CSMD1: variants seen among roughly 807,000 people sequenced by gnomAD.
CSMD1 encodes the protein CUB and sushi domain-containing protein 1.
A neutral mutation model predicts 417.5 loss-of-function variants in CSMD1; 213 were observed. That is an observed-to-expected ratio of 0.51 (90% CI 0.46 to 0.57). The LOEUF (loss-of-function observed/expected upper bound fraction) is 0.57, where lower values mean the gene tolerates loss of function less well. Among genes scored for constraint, CSMD1 ranks in the 20% least tolerant of loss-of-function variants. CSMD1 has a pLI of 0.00. For synonymous variants in CSMD1, 2,862 were observed against 1,736.8 expected (o/e 1.65, Z -16.11); for missense variants, 6,923 against 4,529.7 (o/e 1.53, Z -15.17).
intron 12 of CSMD1, 24 bp from the exon 13 acceptor site, chr8:3,409,629 C>G (rs769030535): frequency 6.5e-7 from 1 of 1,527,178 alleles, no homozygotes; most frequent in South Asian, 1.2e-5. Context: ...AACAAATGAA[C>G]CCTTAAAAAA....
At chr8:3,792,368 A>G (rs1003464682) in intron 5 of CSMD1, among the ~76,000 whole-genome samples, 1 of 152,190 alleles carries the variant, frequency 6.6e-6, no homozygotes, top group Non-Finnish European at 1.5e-5. Context: ...CATTATGATC[A>G]TTAATGTAGC....
chr8:3,558,568 C>A (rs1222672543), intron 10 of CSMD1, among the ~76,000 whole-genome samples: 1 of 148,694 alleles, frequency 6.7e-6, no homozygotes, highest in African/African-American at 2.5e-5. Context: ...CGTGTCCACT[C>A]CTGCAATGAT....
chr8:4,499,392 TC>T (rs1231011395), intron 2 of CSMD1, among the ~76,000 whole-genome samples: 6 of 151,942 alleles, frequency 3.9e-5, no homozygotes, highest in African/African-American at 1.4e-4. Context: ...CAGAGAGGGG[TC>T]AGGTTCTTAT....
intron 17 of CSMD1, among the ~76,000 whole-genome samples, chr8:3,391,722 C>T (rs181183906): frequency 7.0e-4 from 107 of 152,264 alleles, no homozygotes; most frequent in African/African-American, 2.4e-3. Context: ...CTCACATTGC[C>T]TTGTAGCACC....
chr8:3,069,495 A>G (rs1483335727), intron 49 of CSMD1, among the ~76,000 whole-genome samples: 1 of 152,036 alleles, frequency 6.6e-6, no homozygotes, highest in African/African-American at 2.4e-5. Flanking sequence ...TTTGACACCC[A>G]GCAGGGCAGT....
intron 3 of CSMD1, among the ~76,000 whole-genome samples, chr8:4,232,003 T>TCGACATAGGAC (rs1322278855): frequency 6.6e-6 from 1 of 152,184 alleles, no homozygotes; most frequent in Non-Finnish European, 1.5e-5. Context: ...AGCAAAGCCA[T>TCGACATAGGAC]CGACATAGGA....
At chr8:4,864,288 C>T (rs75517409) in intron 1 of CSMD1, among the ~76,000 whole-genome samples, 2 of 151,804 alleles carry the variant, frequency 1.3e-5, no homozygotes, top group East Asian at 3.8e-4. Flanking sequence ...AAGACACACA[C>T]ACACAAATTT....
intron 4 of CSMD1, among the ~76,000 whole-genome samples, chr8:4,004,924 T>G (rs530075420): frequency 6.6e-6 from 1 of 152,082 alleles, no homozygotes; most frequent in South Asian, 2.1e-4. Context: ...TTTTGTATTT[T>G]TAGTAGAGAC....
At chr8:4,006,408 G>C (rs1261359645) in intron 4 of CSMD1, among the ~76,000 whole-genome samples, 3 of 152,198 alleles carry the variant, frequency 2.0e-5, no homozygotes, top group Middle Eastern at 3.2e-3. Context: ...GCTGGGTGTG[G>C]TGGTCCATGC....
Position 4,728,576 on chromosome 8 carries a change from T to C in CSMD1, c.86-91018A>G, listed in dbSNP as rs372316493. Among the ~76,000 whole-genome samples, 39 of 152,316 alleles carry C rather than the reference T, an allele frequency of 2.6e-4. No homozygotes were observed. The South Asian group carries it at 4.8e-3, about 19-fold the overall frequency. ...AGCTCTTCATGTCTTTATTCAGCTC[T>C]GTTACTGATACCATTTAACACATGT... On this transcript the variant is annotated intron_variant, in intron 1 of 69. Transcript: ENST00000635120.
chr8:4,485,022 A>G (rs985682415), intron 2 of CSMD1, among the ~76,000 whole-genome samples: 3 of 126,924 alleles, frequency 2.4e-5, no homozygotes, highest in African/African-American at 3.0e-5. Flanking sequence ...AAAAAAAAAG[A>G]AAGAGTCACT....
intron 3 of CSMD1, among the ~76,000 whole-genome samples, chr8:4,077,301 A>ATATATG (rs1799876800): frequency 6.8e-5 from 5 of 73,556 alleles, no homozygotes; most frequent in African/African-American, 1.8e-4. Context: ...ATATGTGTAT[A>ATATATG]TATATATATA....
At chr8:3,384,757 AAT>A (rs1168394382) in intron 18 of CSMD1, among the ~76,000 whole-genome samples, 1 of 121,594 alleles carries the variant, frequency 8.2e-6, no homozygotes, top group African/African-American at 3.2e-5. Flanking sequence ...TATTTATATA[AAT>A]TATATAAATA....
intron 3 of CSMD1, among the ~76,000 whole-genome samples, chr8:4,411,420 T>C (rs145639083): frequency 6.6e-6 from 1 of 152,028 alleles, no homozygotes; most frequent in Admixed American, 6.6e-5. Flanking sequence ...TTTGAAAAAA[T>C]ACACAGCAAA....
At chr8:4,957,796 A>G (rs910012778) in intron 1 of CSMD1, among the ~76,000 whole-genome samples, 2 of 152,208 alleles carry the variant, frequency 1.3e-5, no homozygotes, top group African/African-American at 4.8e-5. Flanking sequence ...TGACTAGGAC[A>G]GGGGTGTACT....
At chr8:3,950,826 A>C (rs1254530008) in intron 5 of CSMD1, among the ~76,000 whole-genome samples, 3 of 151,980 alleles carry the variant, frequency 2.0e-5, no homozygotes, top group African/African-American at 7.2e-5. Context: ...GTATATTAAA[A>C]TACTGTGCTA....
At chr8:3,961,023 C>A (rs1369965912) in intron 5 of CSMD1, among the ~76,000 whole-genome samples, 1 of 151,622 alleles carries the variant, frequency 6.6e-6, no homozygotes, top group Non-Finnish European at 1.5e-5. Context: ...TGTACAATTC[C>A]CATTTTAAAA....
At chr8:4,875,956 C>T (rs547381140) in intron 1 of CSMD1, among the ~76,000 whole-genome samples, 13 of 152,074 alleles carry the variant, frequency 8.5e-5, no homozygotes, top group African/African-American at 2.9e-4. Context: ...ATAAGAGATG[C>T]TATTTTTCAC....
intron 2 of CSMD1, among the ~76,000 whole-genome samples, chr8:4,441,485 A>C (rs1455002942): frequency 6.6e-6 from 1 of 151,992 alleles, no homozygotes; most frequent in African/African-American, 2.4e-5. Context: ...GTTAGACATA[A>C]GGTATTTTAC....
Sources: gnomAD v4.1 joint callset for allele counts (sites outside exome capture counted in the v4.1 genomes callset) on GRCh38, gnomAD v4.1.1 for gene constraint, MANE v1.5 for transcripts, NCBI Gene and HGNC (gene_info 2026-07-23, HGNC 2026-07-21) for gene names.